RGSL1: variants seen among roughly 807,000 people sequenced by gnomAD.
The protein encoded by RGSL1 is regulator of G protein signaling protein-like.
Under a neutral mutation model 124.7 loss-of-function variants are expected in RGSL1, and 97 were observed. The observed-to-expected ratio is 0.78, with a 90% CI of 0.66 to 0.92. The LOEUF (loss-of-function observed/expected upper bound fraction) is 0.92, where lower values mean the gene tolerates loss of function less well. Among genes scored for constraint, RGSL1 ranks in the 40% least tolerant of loss-of-function variants. RGSL1 has a pLI of 0.00. For missense variants in RGSL1, 1,233 were observed against 1,288.4 expected, an observed-to-expected ratio of 0.96 and a Z score of 0.66; for synonymous variants, 424 against 438.1, an observed-to-expected ratio of 0.97 and a Z score of 0.40.
At chr1:182,500,078 A>G (rs1656235889) in intron 9 of RGSL1, among the ~76,000 whole-genome samples, 1 of 152,208 alleles carries the variant, frequency 6.6e-6, no homozygotes, top group Admixed American at 6.5e-5. Flanking sequence ...ATATTTAAAA[A>G]TGTTTGCCAA....
intron 9 of RGSL1, among the ~76,000 whole-genome samples, chr1:182,520,728 G>A (rs370199763): frequency 3.3e-5 from 5 of 151,860 alleles, no homozygotes; most frequent in African/African-American, 1.2e-4. Flanking sequence ...TTTATATCTG[G>A]TCTTCCATAG....
intron 9 of RGSL1, among the ~76,000 whole-genome samples, chr1:182,518,533 C>A (rs185331463): frequency 1.3e-5 from 2 of 152,154 alleles, no homozygotes; most frequent in South Asian, 2.1e-4. Context: ...CCCACTTACC[C>A]GCTTTGCCTC....
chr1:182,529,119 C>T (rs1658973221), intron 11 of RGSL1, among the ~76,000 whole-genome samples: 1 of 152,212 alleles, frequency 6.6e-6, no homozygotes, highest in Admixed American at 6.5e-5. Context: ...CAGAGCCAAA[C>T]TATATCACTA....
chr1:182,554,043 T>A (rs1660719641), intron 19 of RGSL1, among the ~76,000 whole-genome samples: 1 of 152,174 alleles, frequency 6.6e-6, no homozygotes, highest in African/African-American at 2.4e-5. Flanking sequence ...TATATTCTTT[T>A]TCTTCCCCAT....
intron 10 of RGSL1, 87 bp from the exon 11 acceptor site, chr1:182,527,492 T>C: frequency 8.9e-7 from 1 of 1,126,966 alleles, no homozygotes. Context: ...TATAGCCTGG[T>C]CAATGCACTT....
intron 14 of RGSL1, among the ~76,000 whole-genome samples, chr1:182,535,107 A>G (rs1425268320): frequency 6.6e-6 from 1 of 152,174 alleles, no homozygotes; most frequent in African/African-American, 2.4e-5. Context: ...TGACTATATG[A>G]GCAGCTGAAT....
chr1:182,541,204 T>A (rs1659871417), intron 15 of RGSL1, among the ~76,000 whole-genome samples: 1 of 152,176 alleles, frequency 6.6e-6, no homozygotes, highest in African/African-American at 2.4e-5. Flanking sequence ...TCTATCTAAC[T>A]GTGTATTTGT....
In RGSL1 at chr1:182,474,562, A is replaced by C; in HGVS notation, c.1431+20A>C. On this transcript the variant is annotated intron_variant, in intron 6 of 21. Coordinates refer to ENST00000294854, the MANE Select transcript of RGSL1 (RefSeq NM_001137669.2). ...TGCAAGGTAGGCCATGCCTCACAGAAATAAGTTATATCTGGCAAATTAGGT... is the reference window on the plus strand; with the variant it reads ...TGCAAGGTAGGCCATGCCTCACAGACATAAGTTATATCTGGCAAATTAGGT... 6.6e-7 allele frequency: 1 copy of C among 1,519,384 alleles called. No homozygotes were observed. The highest frequency in any genetic ancestry group is 8.8e-7 in the Non-Finnish European group (1 of 1,131,204). 94.1% of individuals were successfully genotyped at this position (1,519,384 alleles called of 1,614,324 possible).
chr1:182,500,563 T>C (rs1361966138), intron 9 of RGSL1, among the ~76,000 whole-genome samples: 1 of 152,166 alleles, frequency 6.6e-6, no homozygotes, highest in Non-Finnish European at 1.5e-5. Context: ...GGGGTTTGAA[T>C]TGAGATTGTA....
chr1:182,526,873 T>C lies in RGSL1; in HGVS notation c.1932-706T>C, dbSNP rs146333644. Among the ~76,000 whole-genome samples the C allele has an allele frequency of 7.4e-3, 1,128 of 152,236 alleles. 15 individuals carry two copies. Among genetic ancestry groups the C allele is most frequent in the Middle Eastern group, 0.031 (9 of 294 alleles). Reference sequence around the variant, plus strand: ...ATAAAGGGCATCTATTAAAAATCTATGGCTAACATTATACTTAATGAAATA... The same window carrying C: ...ATAAAGGGCATCTATTAAAAATCTACGGCTAACATTATACTTAATGAAATA... On this transcript the variant is annotated intron_variant, in intron 10 of 21. Coordinates refer to ENST00000294854, the MANE Select transcript of RGSL1 (RefSeq NM_001137669.2).
intron 19 of RGSL1, 86 bp from the exon 20 acceptor site, chr1:182,554,541 A>T (rs1232870137): frequency 8.5e-7 from 1 of 1,177,702 alleles, no homozygotes; most frequent in East Asian, 2.6e-5. Context: ...AAGCCCACCC[A>T]GCATGGTCCT....
At chr1:182,455,209 C>T (rs1346387022) in intron 2 of RGSL1, among the ~76,000 whole-genome samples, 1 of 152,070 alleles carries the variant, frequency 6.6e-6, no homozygotes, top group Non-Finnish European at 1.5e-5. Context: ...GAAAAGCTGA[C>T]ACAAGACAAA....
intron 9 of RGSL1, among the ~76,000 whole-genome samples, chr1:182,519,925 G>T (rs1658204161): frequency 6.6e-6 from 1 of 151,694 alleles, no homozygotes; most frequent in Admixed American, 6.6e-5. Context: ...TTATAATATT[G>T]TCTATTTTGA....
chr1:182,482,089 A>G (rs978424361), intron 6 of RGSL1, among the ~76,000 whole-genome samples: 1 of 152,212 alleles, frequency 6.6e-6, no homozygotes, highest in Non-Finnish European at 1.5e-5. Context: ...ACCTATGCAA[A>G]TCAATCACTG....
intron 14 of RGSL1, among the ~76,000 whole-genome samples, chr1:182,538,900 A>G (rs4326583): frequency 0.52 from 79,015 of 151,444 alleles, 20,774 homozygotes; most frequent in Non-Finnish European, 0.55. Context: ...AGAAAGACCA[A>G]TAGTAGATAC....
At chr1:182,480,502 C>A (rs1453624260) in intron 6 of RGSL1, among the ~76,000 whole-genome samples, 1 of 151,032 alleles carries the variant, frequency 6.6e-6, no homozygotes, top group African/African-American at 2.4e-5. Context: ...GTCACCCAGG[C>A]TGGAGTGCAG....
At chr1:182,523,222 C>G (rs1473469867) in intron 10 of RGSL1, among the ~76,000 whole-genome samples, 1 of 45,462 alleles carries the variant, frequency 2.2e-5, no homozygotes, top group Non-Finnish European at 5.1e-5. Context: ...TTTTTTTTTT[C>G]TAGAGACTGG....
At chr1:182,545,165 T>C (rs1444741188) in intron 15 of RGSL1, among the ~76,000 whole-genome samples, 1 of 152,186 alleles carries the variant, frequency 6.6e-6, no homozygotes, top group African/African-American at 2.4e-5. Flanking sequence ...TATAGGTTTC[T>C]GCATTGTGTT....
chr1:182,465,561 T>G (rs1653240312), intron 4 of RGSL1, among the ~76,000 whole-genome samples: 1 of 151,952 alleles, frequency 6.6e-6, no homozygotes, highest in African/African-American at 2.4e-5. Flanking sequence ...TGTATACATG[T>G]GTAACAAACC....
Sources: gnomAD v4.1 joint callset for allele counts (sites outside exome capture counted in the v4.1 genomes callset) on GRCh38, gnomAD v4.1.1 for gene constraint, MANE v1.5 for transcripts, NCBI Gene and HGNC (gene_info 2026-07-23, HGNC 2026-07-21) for gene names.